The following FHOD3 variants were observed in gnomAD, a reference collection of about 807,000 sequenced individuals.
FHOD3 encodes the protein formin homology 2 domain containing 3, also known as FH1/FH2 domain-containing protein 3.
In FHOD3, 90 loss-of-function variants were observed where a neutral mutation model predicts 173.0. The observed-to-expected ratio is 0.52, with a 90% confidence interval of 0.44 to 0.62. The LOEUF is 0.62. FHOD3 is among the 20% of genes least tolerant of loss of function. The pLI is 0.00. For missense variants in FHOD3, 1,945 were observed against 2,034.7 expected, an observed-to-expected ratio of 0.96 and a Z score of 0.85; for synonymous variants, 828 against 823.0, an observed-to-expected ratio of 1.01 and a Z score of -0.10.
At chr18:36,709,448 G>C (rs1033546989) in intron 18 of FHOD3, 57 bp downstream of exon 18, 5 of 1,548,798 alleles carry the variant, frequency 3.2e-6, no homozygotes, top group Non-Finnish European at 8.7e-7. Flanking sequence ...GGGTGCAGGG[G>C]CTGGTTCTCT....
intron 6 of FHOD3, among the ~76,000 whole-genome samples, chr18:36,587,347 G>A (rs2059070395): frequency 6.6e-6 from 1 of 152,164 alleles, no homozygotes; most frequent in Non-Finnish European, 1.5e-5. Flanking sequence ...AGCAGTCGGA[G>A]CCAGTTTAGT....
chr18:36,695,289 A>G (rs1003522602), intron 17 of FHOD3, among the ~76,000 whole-genome samples: 2 of 151,928 alleles, frequency 1.3e-5, no homozygotes, highest in Admixed American at 1.3e-4. Flanking sequence ...CGGAGGTTGC[A>G]GTGAGCCAAG....
chr18:36,314,957 C>T (rs999100343), intron 1 of FHOD3, among the ~76,000 whole-genome samples: 11 of 152,272 alleles, frequency 7.2e-5, no homozygotes, highest in African/African-American at 2.2e-4. Flanking sequence ...TCATGCTTGA[C>T]GTCCGAGGAA....
At chr18:36,309,461 C>T (rs1214189287) in intron 1 of FHOD3, among the ~76,000 whole-genome samples, 4 of 152,154 alleles carry the variant, frequency 2.6e-5, no homozygotes, top group Non-Finnish European at 5.9e-5. Flanking sequence ...GGAGGCTCTG[C>T]GTAGGAGATT....
intron 9 of FHOD3, among the ~76,000 whole-genome samples, chr18:36,619,795 G>A (rs908697213): frequency 3.9e-5 from 6 of 152,234 alleles, no homozygotes; most frequent in African/African-American, 1.4e-4. Flanking sequence ...ACATGTCTAT[G>A]AAGAAAAGAG....
chr18:36,669,250 A>T (rs930985739), intron 14 of FHOD3, among the ~76,000 whole-genome samples: 1 of 151,804 alleles, frequency 6.6e-6, no homozygotes, highest in Non-Finnish European at 1.5e-5. Flanking sequence ...GGTCTACTTT[A>T]TCTGGTATTA....
At position 36,439,328 on chromosome 18, in the gene FHOD3, G is replaced by A. The variant is rs142418892; in HGVS notation, c.338-62604G>A. On this transcript the variant is annotated intron_variant, in intron 3 of 28. Transcript: ENST00000590592. ...TGTATTACTTGCCAACCTGGCTTTC[G>A]CTTGCAGAGGACCCTCCAGGTATGT... is the stretch of plus-strand genomic sequence containing the variant. 6.4e-3 allele frequency among the ~76,000 whole-genome samples: 974 copies of A among 152,244 alleles called. 4 individuals are homozygous for A. The highest frequency in any genetic ancestry group is 0.021 in the African/African-American group (884 of 41,514).
At chr18:36,655,385 C>T (rs1487117696) in intron 13 of FHOD3, among the ~76,000 whole-genome samples, 3 of 152,016 alleles carry the variant, frequency 2.0e-5, no homozygotes, top group African/African-American at 7.2e-5. Context: ...GGCCCCAGAC[C>T]CTTCCCGTTT....
intron 5 of FHOD3, among the ~76,000 whole-genome samples, chr18:36,548,266 C>T (rs889178143): frequency 1.3e-5 from 2 of 152,080 alleles, no homozygotes; most frequent in East Asian, 1.9e-4. Flanking sequence ...TGCCAGGCAC[C>T]GTGTTTAGCT....
At chr18:36,319,427 G>T (rs1164086433) in intron 1 of FHOD3, among the ~76,000 whole-genome samples, 1 of 152,172 alleles carries the variant, frequency 6.6e-6, no homozygotes, top group East Asian at 1.9e-4. Context: ...AATTCAACAA[G>T]AAGAGCAAAC....
intron 14 of FHOD3, among the ~76,000 whole-genome samples, chr18:36,664,777 T>TGAGA (rs373836211): frequency 0.12 from 15,500 of 129,424 alleles, 965 homozygotes; most frequent in Non-Finnish European, 0.14. Context: ...TGTGTGTATG[T>TGAGA]GAGAGAGAGA....
intron 20 of FHOD3, among the ~76,000 whole-genome samples, chr18:36,733,111 G>A (rs1456508807): frequency 1.3e-5 from 2 of 152,196 alleles, no homozygotes; most frequent in Non-Finnish European, 2.9e-5. Flanking sequence ...GACCACATGA[G>A]TAAACAAGCT....
intron 28 of FHOD3, among the ~76,000 whole-genome samples, chr18:36,776,007 G>A (rs937228075): frequency 6.6e-6 from 1 of 152,178 alleles, no homozygotes; most frequent in South Asian, 2.1e-4. Flanking sequence ...AAGTGGAAAT[G>A]AGGAGTCGGG....
chr18:36,769,387 C>A lies in FHOD3; in HGVS notation c.4747C>A (p.Pro1583Thr). ...ATQVPSQRVV[P>T]RERKRSRANR... The stretch of plus-strand genomic sequence containing the variant: ...CCAAGTGCCCAGTCAGCGAGTGGTG[C>A]CGAGGGAGAGGAAACGATCCCGGGC... Residue 1583 changes from proline (P) to threonine (T), a missense_variant, in exon 28 of 29, where the codon CCG becomes ACG. Physicochemically the swap from Pro to Thr is conservative, Grantham distance 38. Around this residue, in one of 5 missense-constraint regions of FHOD3, gnomAD observed 354 missense variants for 359.9 expected, o/e 0.98. Coordinates refer to ENST00000590592, the MANE Select transcript of FHOD3 (RefSeq NM_001281740.3). 1.2e-6 allele frequency: 2 copies of A among 1,614,008 alleles called. No individual in the cohort carries two copies. Among genetic ancestry groups the A allele is most frequent in the Non-Finnish European group, 1.7e-6 (2 of 1,180,010 alleles).
Position 36,746,999 on chromosome 18 carries a change from G to C in FHOD3, c.4096G>C (p.Ala1366Pro). The change falls in exon 24 of 29, where the codon GCT becomes CCT. Residue 1366 changes from alanine (A) to proline (P), a missense_variant. Ala to Pro is a conservative substitution (Grantham distance 27). Coordinates refer to ENST00000590592, the MANE Select transcript of FHOD3 (RefSeq NM_001281740.3). ...NLCQMERRCK[A>P]SWDHLKAIAK... ...ATGTCAGATGGAGAGAAGATGCAAA[G>C]CTTCATGGGATCACCTCAAGGCAAT... The C allele has an allele frequency of 1.2e-6, 2 of 1,613,344 alleles. No homozygotes were observed. Among genetic ancestry groups the C allele is most frequent in the Non-Finnish European group, 1.7e-6 (2 of 1,179,822 alleles).
intron 1 of FHOD3, 128 bp downstream of exon 1, chr18:36,298,128 C>A: frequency 2.5e-6 from 2 of 785,538 alleles, no homozygotes; most frequent in South Asian, 2.5e-5. Context: ...GACCATCGCT[C>A]GAGGGCAAAT....
chr18:36,383,467 G>A (rs1490148424), intron 3 of FHOD3, among the ~76,000 whole-genome samples: 1 of 152,154 alleles, frequency 6.6e-6, no homozygotes, highest in East Asian at 1.9e-4. Context: ...CTTTACAGGA[G>A]GAGAAAACTA....
intron 14 of FHOD3, among the ~76,000 whole-genome samples, chr18:36,662,587 C>T (rs1246558735): frequency 6.6e-6 from 1 of 152,170 alleles, no homozygotes; most frequent in Non-Finnish European, 1.5e-5. Flanking sequence ...TCATAGTTGT[C>T]CCAGCAGAGT....
At position 36,297,782 on chromosome 18, in the gene FHOD3, C is replaced by CGGCCCGCGGCCCCGCTAACCCCGG. The variant is rs1179271175; in HGVS notation, c.-45_-22dup. The CGGCCCGCGGCCCCGCTAACCCCGG allele has an allele frequency of 9.0e-6, 13 of 1,440,854 alleles. No individual in the cohort carries two copies. The highest frequency in any genetic ancestry group is 4.1e-5 in the South Asian group (3 of 72,766). The allele number at this position is 1,440,854 out of a possible 1,614,324, so 89.3% of individuals were successfully genotyped here. ...CCTGCGCGCAGCTACCCGGGCGTCC[C>CGGCCCGCGGCCCCGCTAACCCCGG]GGCCCGCGGCCCCGCTAACCCCGGG... On this transcript the variant is annotated 5_prime_UTR_variant, in exon 1 of 29. Transcript: ENST00000590592.
Sources: allele counts gnomAD v4.1 joint callset (sites outside exome capture counted in the v4.1 genomes callset), GRCh38; gene constraint gnomAD v4.1.1; regional missense constraint gnomAD v4.1.1; transcripts MANE v1.5; gene names NCBI Gene and HGNC (gene_info 2026-07-23, HGNC 2026-07-21).